Variants in ZNF584 observed in about 807,000 individuals in gnomAD.
ZNF584 encodes zinc finger protein 584.
Under a neutral mutation model 14.7 loss-of-function variants are expected in ZNF584, and 12 were observed. The ratio of observed to expected loss-of-function variants is 0.82; its 90% CI spans 0.52 to 1.32. The LOEUF is 1.32. Ranked by LOEUF, ZNF584 falls within the 40% of genes most tolerant of loss-of-function variation. ZNF584 has a pLI of 0.00. For missense variants in ZNF584, 478 were observed against 518.8 expected, an observed-to-expected ratio of 0.92 and a Z score of 0.76; for synonymous variants, 204 against 190.9, an observed-to-expected ratio of 1.07 and a Z score of -0.57.
At chr19:58,405,532 G>A (rs1377608077), upstream of ZNF584, 3 of 158,098 alleles carry the variant, frequency 1.9e-5, no homozygotes, top group Admixed American at 6.6e-5. Flanking sequence ...GGGCGGAGAT[G>A]CTCCTCACTT....
intron 2 of ZNF584, among the ~76,000 whole-genome samples, chr19:58,413,363 C>G (rs1474321908): frequency 6.8e-6 from 1 of 147,806 alleles, no homozygotes; most frequent in Non-Finnish European, 1.5e-5. Flanking sequence ...TTTAATTTTT[C>G]TTTTTGAGAT....
Position 58,417,757 on chromosome 19 carries a change from G to A in ZNF584, c.1239G>A (p.Arg413=). ...VHTPERRQED[R]AHGKVVSC Reference sequence around the variant, plus strand: ...CTCCAGAAAGGCGTCAGGAGGACAGGGCACATGGGAAGGTCGTTAGCTGCT... The same window carrying A: ...CTCCAGAAAGGCGTCAGGAGGACAGAGCACATGGGAAGGTCGTTAGCTGCT... Residue 413 remains arginine (R), a synonymous_variant, in exon 4 of 4, where the codon AGG becomes AGA. Transcript: ENST00000306910. 1 of 1,611,748 alleles carries A rather than the reference G, an allele frequency of 6.2e-7. No individual in the cohort carries two copies. The highest frequency in any genetic ancestry group is 8.5e-7 in the Non-Finnish European group (1 of 1,178,500).
chr19:58,404,631 C>T, upstream of ZNF584: 2 of 224,988 alleles, frequency 8.9e-6, no homozygotes, highest in South Asian at 8.9e-5. Flanking sequence ...CCACGTCTAC[C>T]TCTTTCTACA....
chr19:58,410,547 A>G lies in ZNF584; in HGVS notation c.169+456A>G, dbSNP rs1434681693. The stretch of plus-strand genomic sequence containing the variant: ...TATATATATATATATATATATATAT[A>G]TATATATATATGTGTATATATATAT... On this transcript the variant is annotated intron_variant, in intron 2 of 3. Coordinates refer to ENST00000306910, the MANE Select transcript of ZNF584 (RefSeq NM_173548.3). Among the ~76,000 whole-genome samples, 245 of 30,582 alleles carry G rather than the reference A, an allele frequency of 8.0e-3. 16 individuals carry two copies. Among genetic ancestry groups the G allele is most frequent in the East Asian group, 0.05 (85 of 1,704 alleles). The allele number at this position is 30,582 out of a possible 152,430, so 20.1% of individuals were successfully genotyped here.
rs761455604 is a variant in ZNF584, at chr19:58,410,095, A to G, written c.169+4A>G. 1.2e-6 allele frequency: 2 copies of G among 1,606,582 alleles called. No homozygotes were observed. The highest frequency in any genetic ancestry group is 1.7e-5 in the Admixed American group (1 of 59,302). ...TTTGCACTCGTTAGCTCACTGGGTA[A>G]GTCTCTTACACTGTCCCCCAGCACA... On this transcript the variant is annotated splice_donor_region_variant and intron_variant, in intron 2 of 3. Transcript: ENST00000306910.
At chr19:58,402,715 G>A (rs553809939) in intron 1 of ZNF584, among the ~76,000 whole-genome samples, 1 of 151,778 alleles carries the variant, frequency 6.6e-6, no homozygotes, top group East Asian at 1.9e-4. Context: ...CCAGCTCCTC[G>A]GGAGGCTGAC....
At chr19:58,410,547 A>ATATATGTATATATATATATG (rs2052539209) in intron 2 of ZNF584, among the ~76,000 whole-genome samples, 1 of 30,620 alleles carries the variant, frequency 3.3e-5, no homozygotes, top group African/African-American at 2.6e-4. Flanking sequence ...ATATATATAT[A>ATATATGTATATATATATATG]TATATATATA....
intron 1 of ZNF584, among the ~76,000 whole-genome samples, chr19:58,401,944 C>A (rs2052434332): frequency 6.9e-6 from 1 of 145,726 alleles, no homozygotes; most frequent in African/African-American, 2.7e-5. Flanking sequence ...TGGCGGGCGC[C>A]TGTAGTCCCA....
intron 1 of ZNF584, among the ~76,000 whole-genome samples, chr19:58,403,633 A>T (rs2052445044): frequency 6.6e-6 from 1 of 152,212 alleles, no homozygotes; most frequent in African/African-American, 2.4e-5. Context: ...GTGAAAACCC[A>T]TATAATGTAC....
chr19:58,415,825 C>G, intron 3 of ZNF584, 179 bp downstream of exon 3: 1 of 1,602,782 alleles, frequency 6.2e-7, no homozygotes, highest in South Asian at 1.1e-5. Flanking sequence ...TCAGGCCCCG[C>G]ATGTTCCTGC....
intron 1 of ZNF584, among the ~76,000 whole-genome samples, chr19:58,402,184 C>T (rs912165791): frequency 1.3e-5 from 2 of 152,192 alleles, no homozygotes; most frequent in Non-Finnish European, 2.9e-5. Context: ...GTGCTGAGGT[C>T]CTCTCATCCC....
upstream of ZNF584, chr19:58,406,573 C>T (rs1267507855): frequency 6.6e-6 from 1 of 152,258 alleles, no homozygotes. Flanking sequence ...GGTACCCAGA[C>T]ACCAGGGGTA....
At position 58,415,643 on chromosome 19, in the gene ZNF584, C is replaced by T. The variant is rs1183045679; in HGVS notation, c.289C>T (p.Leu97Phe). 1.2e-6 allele frequency: 2 copies of T among 1,613,700 alleles called. No individual in the cohort carries two copies. Among genetic ancestry groups the T allele is most frequent in the South Asian group, 1.1e-5 (1 of 90,946 alleles). ...SRAEARRGFGLDGLCRVEDER... is the reference protein window; with the variant it reads ...SRAEARRGFGFDGLCRVEDER... ...AGCAGAAGCCAGGAGAGGTTTTGGT[C>T]TTGGTAAGTGGAGTGGAGGGGAATA... is the stretch of plus-strand genomic sequence containing the variant. The change falls in exon 3 of 4, where the codon CTT becomes TTT. Residue 97 changes from leucine to phenylalanine, a missense_variant. Leu to Phe is a conservative substitution (Grantham distance 22). This residue lies in a region of ZNF584 where 189 missense variants were observed against 177.9 expected (regional missense o/e 1.06). Transcript: ENST00000306910.
intron 2 of ZNF584, among the ~76,000 whole-genome samples, chr19:58,410,673 G>A (rs1292255534): frequency 2.6e-4 from 3 of 11,330 alleles, no homozygotes; most frequent in Non-Finnish European, 3.6e-4. Flanking sequence ...ATGTATATAT[G>A]TGTATATATA....
At chr19:58,409,792 G>A (rs2052519145) in intron 1 of ZNF584, 149 bp from the exon 2 acceptor site, 1 of 885,544 alleles carries the variant, frequency 1.1e-6, no homozygotes, top group Non-Finnish European at 1.8e-6. Flanking sequence ...GGTATGTGTA[G>A]GGAGTAAGGT....
In ZNF584 at chr19:58,417,329, G is replaced by A. The variant is rs142880444; in HGVS notation, c.811G>A (p.Glu271Lys). The A allele has an allele frequency of 6.6e-5, 106 of 1,614,082 alleles. 4 individuals carry two copies. In the South Asian group the frequency reaches 8.9e-4, roughly 14 times the overall value. ...QRIHTGERPY[E>K]CSKCGKTFSV... ...GATTCACACTGGAGAAAGGCCTTAC[G>A]AGTGCAGCAAATGTGGTAAAACCTT... The change falls in exon 4 of 4, where the codon GAG (glutamate) becomes AAG (lysine). Residue 271 changes from glutamate to lysine, a missense_variant. This residue lies in a region of ZNF584 where 283 missense variants were observed against 317.3 expected (regional missense o/e 0.89). Coordinates refer to ENST00000306910, the MANE Select transcript of ZNF584 (RefSeq NM_173548.3).
At chr19:58,415,955 G>T (rs1370353230) in intron 3 of ZNF584, 53 of 1,594,916 alleles carry the variant, frequency 3.3e-5, no homozygotes, top group Non-Finnish European at 4.5e-5. Flanking sequence ...TTGAACTTCA[G>T]CCAATCCTTA....
intron 3 of ZNF584, 192 bp downstream of exon 3, chr19:58,415,838 CT>C: frequency 6.2e-7 from 1 of 1,601,302 alleles, no homozygotes; most frequent in Non-Finnish European, 8.5e-7. Flanking sequence ...GTTCCTGCCT[CT>C]CTGGCCTGCG....
At chr19:58,415,098 T>C (rs2052624444) in intron 2 of ZNF584, among the ~76,000 whole-genome samples, 1 of 152,046 alleles carries the variant, frequency 6.6e-6, no homozygotes, top group Non-Finnish European at 1.5e-5. Flanking sequence ...TTTCACCGTG[T>C]TAGCCAGGAT....
Sources: allele counts gnomAD v4.1 joint callset (sites outside exome capture counted in the v4.1 genomes callset), GRCh38; gene constraint gnomAD v4.1.1; regional missense constraint gnomAD v4.1.1; transcripts MANE v1.5; gene names NCBI Gene and HGNC (gene_info 2026-07-23, HGNC 2026-07-21).